LHFPL2: variants seen among roughly 807,000 people sequenced by gnomAD.
The protein encoded by LHFPL2 is LHFPL tetraspan subfamily member 2.
LHFPL2 carries 7 observed loss-of-function variants against 17.5 expected under a neutral mutation model. That is an observed-to-expected ratio of 0.40 (90% CI 0.23 to 0.75). The LOEUF (loss-of-function observed/expected upper bound fraction) is 0.75, where lower values mean the gene tolerates loss of function less well. Ranked by LOEUF, LHFPL2 falls within the 30% of genes least tolerant of loss-of-function variation. The pLI, the probability that LHFPL2 is intolerant of heterozygous loss-of-function variation, is 0.37. For synonymous variants in LHFPL2, 134 were observed against 116.2 expected (o/e 1.15, Z -0.99); for missense variants, 241 against 294.8 (o/e 0.82, Z 1.34).
intron 2 of LHFPL2, among the ~76,000 whole-genome samples, chr5:78,588,983 C>T (rs1407666512): frequency 6.6e-6 from 1 of 152,140 alleles, no homozygotes; most frequent in African/African-American, 2.4e-5. Context: ...TTACATATCT[C>T]ATTTAATCCT....
chr5:78,511,009 G>T (rs955200980), intron 3 of LHFPL2, among the ~76,000 whole-genome samples: 1 of 151,656 alleles, frequency 6.6e-6, no homozygotes, highest in African/African-American at 2.4e-5. Context: ...ACATGTAAAA[G>T]AATAAACAAA....
intron 4 of LHFPL2, among the ~76,000 whole-genome samples, chr5:78,508,392 A>G (rs1754999979): frequency 6.6e-6 from 1 of 151,896 alleles, no homozygotes; most frequent in South Asian, 2.1e-4. Context: ...TTTGGGCCAG[A>G]AAGTTTAAAG....
At chr5:78,634,725 A>C (rs1015661986) in intron 1 of LHFPL2, among the ~76,000 whole-genome samples, 1 of 152,236 alleles carries the variant, frequency 6.6e-6, no homozygotes, top group African/African-American at 2.4e-5. Context: ...CCAAAGAGGC[A>C]AAATGATTTG....
chr5:78,556,866 C>T (rs1756584002), intron 3 of LHFPL2, among the ~76,000 whole-genome samples: 1 of 152,088 alleles, frequency 6.6e-6, no homozygotes, highest in Admixed American at 6.5e-5. Context: ...CCTAAGGGAA[C>T]TGATTTTTTC....
At chr5:78,595,660 AGCCACTACACGT>A (rs1222305078) in intron 2 of LHFPL2, among the ~76,000 whole-genome samples, 7 of 152,164 alleles carry the variant, frequency 4.6e-5, no homozygotes, top group Non-Finnish European at 1.0e-4. Flanking sequence ...TACAGGCTTA[AGCCACTACACGT>A]GGCTAATTTT....
Position 78,627,836 on chromosome 5 carries a change from T to C in LHFPL2, c.-245+4428A>G, listed in dbSNP as rs557090188. Among the ~76,000 whole-genome samples the C allele has an allele frequency of 6.6e-5, 10 of 152,366 alleles. No homozygotes were observed. The East Asian group carries it at 1.9e-3, about 29-fold the overall frequency. On this transcript the variant is annotated intron_variant, in intron 2 of 4. Transcript: ENST00000380345. ...GCTCAACTCAAAGGAATTTGTCCGA[T>C]GACCACTATGCTGCAAATAAAACAA...
At chr5:78,608,588 C>CAA (rs10609753) in intron 2 of LHFPL2, among the ~76,000 whole-genome samples, 57 of 138,124 alleles carry the variant, frequency 4.1e-4, no homozygotes, top group Admixed American at 8.6e-4. Context: ...ATTCTATTTG[C>CAA]AAAAAAAAAA....
chr5:78,605,050 G>T (rs1744164409), intron 2 of LHFPL2, among the ~76,000 whole-genome samples: 1 of 152,162 alleles, frequency 6.6e-6, no homozygotes. Context: ...TTTCAAAATT[G>T]TTTTATCAGA....
chr5:78,523,970 G>C (rs1755539796), intron 3 of LHFPL2, among the ~76,000 whole-genome samples: 1 of 152,116 alleles, frequency 6.6e-6, no homozygotes, highest in African/African-American at 2.4e-5. Flanking sequence ...AAACGAGCCG[G>C]ACAATGCACA....
At chr5:78,504,159 A>G (rs531733103) in intron 4 of LHFPL2, among the ~76,000 whole-genome samples, 2 of 152,318 alleles carry the variant, frequency 1.3e-5, no homozygotes, top group South Asian at 4.2e-4. Flanking sequence ...GACAGCCAGA[A>G]ACCAAGAGCC....
chr5:78,610,998 T>G (rs1482016909), intron 2 of LHFPL2, among the ~76,000 whole-genome samples: 1 of 152,140 alleles, frequency 6.6e-6, no homozygotes, highest in Non-Finnish European at 1.5e-5. Flanking sequence ...GCAGCTCTGA[T>G]TCAGTTAGGC....
At chr5:78,562,417 G>A (rs138768341) in intron 3 of LHFPL2, among the ~76,000 whole-genome samples, 6 of 152,134 alleles carry the variant, frequency 3.9e-5, no homozygotes, top group East Asian at 1.9e-4. Context: ...CATATAATGC[G>A]ACTGACTACA....
At chr5:78,557,580 T>G (rs1222603445) in intron 3 of LHFPL2, among the ~76,000 whole-genome samples, 2 of 152,230 alleles carry the variant, frequency 1.3e-5, no homozygotes, top group South Asian at 2.1e-4. Context: ...ATTCCTAACA[T>G]GACCCTGAGT....
chr5:78,507,763 G>A (rs1754974067), intron 4 of LHFPL2, among the ~76,000 whole-genome samples: 1 of 152,112 alleles, frequency 6.6e-6, no homozygotes, highest in African/African-American at 2.4e-5. Context: ...AATCATCAAG[G>A]ATGTGCAAAT....
chr5:78,534,260 G>C (rs1026739743), intron 3 of LHFPL2, among the ~76,000 whole-genome samples: 1 of 152,186 alleles, frequency 6.6e-6, no homozygotes, highest in Non-Finnish European at 1.5e-5. Flanking sequence ...CCTGGGCCCC[G>C]CAGTGTGCTC....
intron 2 of LHFPL2, among the ~76,000 whole-genome samples, chr5:78,611,271 A>C (rs1042117464): frequency 1.1e-4 from 17 of 152,358 alleles, no homozygotes; most frequent in African/African-American, 4.1e-4. Context: ...CTGCAGGGCC[A>C]GTCCAGGGCA....
intron 3 of LHFPL2, among the ~76,000 whole-genome samples, chr5:78,543,807 T>C (rs1183782724): frequency 6.6e-6 from 1 of 151,964 alleles, no homozygotes; most frequent in Non-Finnish European, 1.5e-5. Context: ...AAGGACAAAA[T>C]AGGAAGATTA....
chr5:78,631,488 A>C (rs1419435462), intron 2 of LHFPL2, among the ~76,000 whole-genome samples: 2 of 152,266 alleles, frequency 1.3e-5, no homozygotes, highest in Non-Finnish European at 2.9e-5. Flanking sequence ...GAACTCACAG[A>C]CAAGAGGAAA....
At chr5:78,578,195 T>G (rs2112436908) in intron 2 of LHFPL2, among the ~76,000 whole-genome samples, 1 of 152,326 alleles carries the variant, frequency 6.6e-6, no homozygotes, top group African/African-American at 2.4e-5. Flanking sequence ...GTACTTCACT[T>G]GCTTAGAGGA....
Sources: gnomAD v4.1 joint callset for allele counts (sites outside exome capture counted in the v4.1 genomes callset) on GRCh38, gnomAD v4.1.1 for gene constraint, MANE v1.5 for transcripts, NCBI Gene and HGNC (gene_info 2026-07-23, HGNC 2026-07-21) for gene names.